SHC2: variants seen among roughly 807,000 people sequenced by gnomAD.
SHC2 encodes the protein SHC-transforming protein 2.
Under a neutral mutation model 60.6 loss-of-function variants are expected in SHC2, and 62 were observed. The ratio of observed to expected loss-of-function variants is 1.02; its 90% CI spans 0.83 to 1.26. SHC2 has a LOEUF of 1.26. Among genes scored for constraint, SHC2 ranks in the 50% most tolerant of loss-of-function variants. SHC2 has a pLI of 0.00. For missense variants in SHC2, 873 were observed against 822.2 expected, an observed-to-expected ratio of 1.06 and a Z score of -0.76; for synonymous variants, 375 against 372.4, an observed-to-expected ratio of 1.01 and a Z score of -0.08.
intron 9 of SHC2, among the ~76,000 whole-genome samples, chr19:429,882 C>G (rs1310216214): frequency 2.0e-5 from 3 of 150,242 alleles, no homozygotes; most frequent in South Asian, 2.1e-4. Flanking sequence ...GACGCAGTAC[C>G]TATATCCAAC....
intron 9 of SHC2, among the ~76,000 whole-genome samples, chr19:430,083 AT>A (rs200500180): frequency 2.1e-5 from 3 of 142,272 alleles, no homozygotes; most frequent in Non-Finnish European, 4.6e-5. Flanking sequence ...CAGTACCTAT[AT>A]CCCAACGTGC....
Position 453,502 on chromosome 19 carries a change from G to A in SHC2, c.468+7027C>T, listed in dbSNP as rs1975251468. ...GCCCAGGCTGGTCTCAAACTCCTGG[G>A]CTCAAGTGATCCTGCCGCCTTGGTC... is the stretch of plus-strand genomic sequence containing the variant. On this transcript the variant is annotated intron_variant, in intron 1 of 12. Coordinates refer to ENST00000264554, the MANE Select transcript of SHC2 (RefSeq NM_012435.3). The surrounding 1 kb of genome is among the most constrained non-coding windows in gnomAD (Gnocchi z 6.3). Among the ~76,000 whole-genome samples, 1 of 152,192 alleles carries A rather than the reference G, an allele frequency of 6.6e-6. No individual in the cohort carries two copies. Among genetic ancestry groups the A allele is most frequent in the South Asian group, 2.1e-4 (1 of 4,814 alleles).
At position 460,631 on chromosome 19, in the gene SHC2, G is replaced by T. The variant is rs903681276; in HGVS notation, c.366C>A (p.Ala122=). The T allele has an allele frequency of 3.8e-6, 5 of 1,308,492 alleles. No individual in the cohort carries two copies. Among genetic ancestry groups the T allele is most frequent in the Non-Finnish European group, 4.9e-6 (5 of 1,021,438 alleles). 81.1% of individuals were successfully genotyped at this position (1,308,492 alleles called of 1,614,324 possible). The change falls in exon 1 of 13, where the codon GCC becomes GCA. Residue 122 remains alanine (A), a synonymous_variant. Transcript: ENST00000264554. ...GAAGSGDAAA[A]AEWIRKGSFI... ...AGCTGCCCTTCCGGATCCACTCGGC[G>T]GCGGCGGCGGCGTCCCCGGACCCCG...
chr19:424,521 A>G lies in SHC2; in HGVS notation c.1309+576T>C, dbSNP rs1208791442. ...CAGCAGGCCGGGATTCCCACAGAGAAAAGACGAGGCCTCCCCTCTCAGACT... is the reference window on the plus strand; with the variant it reads ...CAGCAGGCCGGGATTCCCACAGAGAGAAGACGAGGCCTCCCCTCTCAGACT... On this transcript the variant is annotated intron_variant, in intron 10 of 12. Transcript: ENST00000264554. The surrounding 1 kb of genome is among the most constrained non-coding windows in gnomAD (Gnocchi z 4.5). Among the ~76,000 whole-genome samples the G allele has an allele frequency of 3.9e-5, 6 of 152,136 alleles. No homozygotes were observed. Among genetic ancestry groups the G allele is most frequent in the African/African-American group, 1.4e-4 (6 of 41,440 alleles).
At chr19:430,190 C>T (rs910587971) in intron 9 of SHC2, among the ~76,000 whole-genome samples, 2 of 145,206 alleles carry the variant, frequency 1.4e-5, no homozygotes, top group Non-Finnish European at 3.0e-5. Flanking sequence ...TATACCCCAA[C>T]GTGCACAGAA....
intron 9 of SHC2, among the ~76,000 whole-genome samples, chr19:430,406 A>C (rs1420277339): frequency 2.0e-5 from 3 of 151,234 alleles, no homozygotes; most frequent in Non-Finnish European, 4.4e-5. Flanking sequence ...GACACCTAAT[A>C]CCATGTGGAT....
intron 11 of SHC2, among the ~76,000 whole-genome samples, chr19:421,058 G>A (rs1374255946): frequency 1.4e-5 from 2 of 147,396 alleles, no homozygotes; most frequent in African/African-American, 2.5e-5. Flanking sequence ...AAGAAAGAAA[G>A]AAAGGAAAGG....
intron 4 of SHC2, among the ~76,000 whole-genome samples, chr19:437,459 C>G (rs1390633147): frequency 2.0e-5 from 3 of 152,062 alleles, no homozygotes; most frequent in Non-Finnish European, 4.4e-5. Context: ...CCCAGTAAGC[C>G]CCCGATACCA....
At chr19:460,121 C>G (rs1322110484) in intron 1 of SHC2, among the ~76,000 whole-genome samples, 1 of 152,242 alleles carries the variant, frequency 6.6e-6, no homozygotes, top group East Asian at 1.9e-4. Flanking sequence ...AGCCCCTTTC[C>G]AAACACCCCT....
rs1974851860 is a variant in SHC2 at position 441,004 on chromosome 19, C to T, written c.469-72G>A. The T allele has an allele frequency of 4.5e-6, 7 of 1,547,340 alleles. No individual in the cohort carries two copies. In the Admixed American group the frequency reaches 1.0e-4, roughly 22 times the overall value. ...GGAGCCACGTCCCTTTTCCCAGCAG[C>T]CCTTCGCCGCCTCCACCACCCCTGG... On this transcript the variant is annotated intron_variant, in intron 1 of 12. Coordinates refer to ENST00000264554, the MANE Select transcript of SHC2 (RefSeq NM_012435.3). The surrounding 1 kb of genome is among the most constrained non-coding windows in gnomAD (Gnocchi z 4.9).
Position 440,869 on chromosome 19 carries a change from C to T in SHC2, c.532G>A (p.Val178Met). 1 of 1,612,670 alleles carries T rather than the reference C, an allele frequency of 6.2e-7. No individual in the cohort carries two copies. Residue 178 changes from valine to methionine, a missense_variant, in exon 2 of 13, where the codon GTG becomes ATG. By Grantham distance (21) the Val-to-Met change is conservative. Transcript: ENST00000264554. The surrounding 1 kb of genome is among the most constrained non-coding windows in gnomAD (Gnocchi z 7.0). ...GCAGGGTTGGAGGCTCACCTGGTCA[C>T]CTGCGTGCGCGTGTTAAAGTCCAGG... ...RSLDFNTRTQVTREAINRLHE... is the reference protein window; with the variant it reads ...RSLDFNTRTQMTREAINRLHE...
At chr19:421,608 A>G (rs879832539) in intron 11 of SHC2, among the ~76,000 whole-genome samples, 4 of 152,166 alleles carry the variant, frequency 2.6e-5, no homozygotes, top group Admixed American at 2.0e-4. Flanking sequence ...TGTAAGGTGC[A>G]TAAGTCATGA....
chr19:447,532 A>C (rs1167970163), intron 1 of SHC2, among the ~76,000 whole-genome samples: 3 of 152,244 alleles, frequency 2.0e-5, no homozygotes, highest in Non-Finnish European at 2.9e-5. Flanking sequence ...CAATCCCAGC[A>C]CTTTGGGAGG....
chr19:422,693 T>C lies in SHC2; in HGVS notation c.1310-237A>G, dbSNP rs148880753. On this transcript the variant is annotated intron_variant, in intron 10 of 12. Coordinates refer to ENST00000264554, the MANE Select transcript of SHC2 (RefSeq NM_012435.3). This position sits in a 1 kb window ranked among gnomAD's most constrained non-coding sequence, Gnocchi z 5.0. ...GGGTTTTCTAGGCACGTACTAAGCA[T>C]GTACAAAGGGTAACAGCAGCTCTTT... 212 of 478,982 alleles carry C rather than the reference T, an allele frequency of 4.4e-4. 2 individuals are homozygous for C. The highest frequency in any genetic ancestry group is 1.3e-3 in the African/African-American group (64 of 51,066). 29.7% of individuals were successfully genotyped at this position (478,982 alleles called of 1,614,324 possible).
intron 4 of SHC2, among the ~76,000 whole-genome samples, chr19:437,706 G>A (rs1974758529): frequency 1.3e-5 from 2 of 151,960 alleles, no homozygotes; most frequent in Non-Finnish European, 2.9e-5. Flanking sequence ...CCTCCTCCCT[G>A]GAGCCCCAGC....
At chr19:423,846 G>A (rs191178855) in intron 10 of SHC2, among the ~76,000 whole-genome samples, 13 of 152,266 alleles carry the variant, frequency 8.5e-5, no homozygotes, top group Middle Eastern at 3.4e-3. Flanking sequence ...TTCCTCAACC[G>A]GGGCTGCCTG....
At position 422,349 on chromosome 19, in the gene SHC2, C is replaced by T; in HGVS notation, c.1417G>A (p.Ala473Thr). 1 of 1,607,674 alleles carries T rather than the reference C, an allele frequency of 6.2e-7. No individual in the cohort carries two copies. The highest frequency in any genetic ancestry group is 8.5e-7 in the Non-Finnish European group (1 of 1,177,764). The stretch of plus-strand genomic sequence containing the variant: ...TGTTCCTCCGTGGGGGCCACAGGGG[C>T]CCGGCGGGTAGGGGGGCTGGGCCAC... Reference protein sequence around the residue: ...DQWPSPPTRRAPVAPTEEQLR... With the variant: ...DQWPSPPTRRTPVAPTEEQLR... Residue 473 changes from alanine (A) to threonine (T), a missense_variant, in exon 11 of 13, where the codon GCC becomes ACC. Coordinates refer to ENST00000264554, the MANE Select transcript of SHC2 (RefSeq NM_012435.3). The surrounding 1 kb of genome is among the most constrained non-coding windows in gnomAD (Gnocchi z 5.0).
chr19:453,567 G>A lies in SHC2; in HGVS notation c.468+6962C>T, dbSNP rs753166054. On this transcript the variant is annotated intron_variant, in intron 1 of 12. Coordinates refer to ENST00000264554, the MANE Select transcript of SHC2 (RefSeq NM_012435.3). This position sits in a 1 kb window ranked among gnomAD's most constrained non-coding sequence, Gnocchi z 6.3. ...ATTACAGGCGTGAGCCACCACGCCC[G>A]GCCAGAACCCAGATCTTTAGGGATG... Among the ~76,000 whole-genome samples, 6 of 152,204 alleles carry A rather than the reference G, an allele frequency of 3.9e-5. No individual in the cohort carries two copies. Among genetic ancestry groups the A allele is most frequent in the South Asian group, 2.1e-4 (1 of 4,822 alleles).
chr19:422,689 A>G lies in SHC2; in HGVS notation c.1310-233T>C, dbSNP rs957101059. The G allele has an allele frequency of 3.1e-5, 15 of 490,766 alleles. No homozygotes were observed. Among genetic ancestry groups the G allele is most frequent in the Non-Finnish European group, 5.0e-5 (14 of 279,154 alleles). The allele number at this position is 490,766 out of a possible 1,614,324, so 30.4% of individuals were successfully genotyped here. A position where few individuals can be genotyped will look rare whatever the true frequency, so the allele number is the denominator to read the frequency against. On this transcript the variant is annotated intron_variant, in intron 10 of 12. Transcript: ENST00000264554. This position sits in a 1 kb window ranked among gnomAD's most constrained non-coding sequence, Gnocchi z 5.0. ...GGTTGGGTTTTCTAGGCACGTACTA[A>G]GCATGTACAAAGGGTAACAGCAGCT...
Sources: allele counts gnomAD v4.1 joint callset (sites outside exome capture counted in the v4.1 genomes callset), GRCh38; gene constraint gnomAD v4.1.1; non-coding constraint Gnocchi (gnomAD v3.1); transcripts MANE v1.5; gene names NCBI Gene and HGNC (gene_info 2026-07-23, HGNC 2026-07-21).